Variants in FAM135A observed in about 807,000 individuals in gnomAD.
The protein encoded by FAM135A is protein FAM135A.
A neutral mutation model predicts 146.8 loss-of-function variants in FAM135A; 79 were observed. The ratio of observed to expected loss-of-function variants is 0.54; its 90% confidence interval spans 0.45 to 0.65. The LOEUF (loss-of-function observed/expected upper bound fraction) is 0.65. Among genes scored for constraint, FAM135A ranks in the 30% least tolerant of loss-of-function variants. FAM135A has a pLI of 0.00. For synonymous variants in FAM135A, 562 were observed against 603.6 expected, an observed-to-expected ratio of 0.93 and a Z score of 1.01; for missense variants, 1,623 against 1,758.2, an observed-to-expected ratio of 0.92 and a Z score of 1.38.
chr6:70,535,671 T>C (rs920103911), intron 18 of FAM135A, among the ~76,000 whole-genome samples: 1 of 152,212 alleles, frequency 6.6e-6, no homozygotes, highest in African/African-American at 2.4e-5. Flanking sequence ...GGACCACTGA[T>C]TTAAACCATT....
chr6:70,436,850 A>C (rs1168240098), intron 4 of FAM135A, among the ~76,000 whole-genome samples: 1 of 152,224 alleles, frequency 6.6e-6, no homozygotes, highest in Non-Finnish European at 1.5e-5. Context: ...TTAAAGTATA[A>C]GTAAATAGAG....
chr6:70,465,015 C>A (rs1267063866), intron 5 of FAM135A, among the ~76,000 whole-genome samples: 1 of 151,588 alleles, frequency 6.6e-6, no homozygotes, highest in Non-Finnish European at 1.5e-5. Context: ...AACTGAAATT[C>A]TATACCATTG....
chr6:70,458,875 C>T (rs114213987), intron 5 of FAM135A, among the ~76,000 whole-genome samples: 1 of 152,098 alleles, frequency 6.6e-6, no homozygotes, highest in East Asian at 1.9e-4. Flanking sequence ...ATATCCTTCC[C>T]TCAAAATTTC....
At chr6:70,506,867 A>ATGGAAGTTC (rs1789898202) in intron 12 of FAM135A, among the ~76,000 whole-genome samples, 2 of 151,712 alleles carry the variant, frequency 1.3e-5, no homozygotes, top group South Asian at 4.2e-4. Flanking sequence ...TGTCACCTGA[A>ATGGAAGTTC]TGGAAGTTCT....
chr6:70,426,997 C>G (rs1770315521), intron 3 of FAM135A, among the ~76,000 whole-genome samples: 1 of 152,100 alleles, frequency 6.6e-6, no homozygotes, highest in Non-Finnish European at 1.5e-5. Context: ...CTGTCTATGT[C>G]TCTGCTTGTG....
At chr6:70,467,431 G>C (rs961439375) in intron 5 of FAM135A, among the ~76,000 whole-genome samples, 10 of 151,798 alleles carry the variant, frequency 6.6e-5, no homozygotes, top group African/African-American at 2.2e-4. Context: ...CTGTACCTTG[G>C]GTCTTTGAGT....
chr6:70,475,765 G>T (rs752511769), intron 7 of FAM135A, 32 bp downstream of exon 7: 1 of 1,514,214 alleles, frequency 6.6e-7, no homozygotes, highest in African/African-American at 1.4e-5. Flanking sequence ...AAACCTTTAG[G>T]CACTTATGAC....
Position 70,540,318 on chromosome 6 carries a change from C to CTTTTTTTTT in FAM135A, c.4228+1933_4228+1941dup, listed in dbSNP as rs1190614826. ...TTAGACTCATTTATGATTCCTGCTA[C>CTTTTTTTTT]TTTTTTTTTTTTTTTTTTTTTTTTG... On this transcript the variant is annotated intron_variant, in intron 20 of 21. Coordinates refer to ENST00000418814, the MANE Select transcript of FAM135A (RefSeq NM_001162529.3). 1.5e-4 allele frequency among the ~76,000 whole-genome samples: 12 copies of CTTTTTTTTT among 81,550 alleles called. 1 individual carries two copies. The highest frequency in any genetic ancestry group is 4.8e-4 in the African/African-American group (9 of 18,836). 53.5% of individuals were successfully genotyped at this position (81,550 alleles called of 152,430 possible). A position where few individuals can be genotyped will look rare whatever the true frequency, so the allele number is the denominator to read the frequency against.
chr6:70,415,102 G>C (rs1376783233), intron 1 of FAM135A, among the ~76,000 whole-genome samples, 189 bp from the exon 2 acceptor site: 1 of 152,166 alleles, frequency 6.6e-6, no homozygotes, highest in Admixed American at 6.5e-5. Flanking sequence ...AGACATACGT[G>C]AGAAGTATTA....
intron 13 of FAM135A, 150 bp downstream of exon 13, chr6:70,522,736 T>G: frequency 1.6e-6 from 1 of 636,988 alleles, no homozygotes; most frequent in Non-Finnish European, 2.6e-6. Context: ...ATAATCAAAT[T>G]GTTTCATCTT....
At chr6:70,517,553 A>C (rs1450247310) in intron 12 of FAM135A, among the ~76,000 whole-genome samples, 1 of 150,812 alleles carries the variant, frequency 6.6e-6, no homozygotes, top group Non-Finnish European at 1.5e-5. Context: ...TAATTAGCTG[A>C]GATTACAGGT....
At chr6:70,514,984 T>C (rs1445277757) in intron 12 of FAM135A, among the ~76,000 whole-genome samples, 1 of 152,212 alleles carries the variant, frequency 6.6e-6, no homozygotes, top group African/African-American at 2.4e-5. Context: ...AAGAGAAATA[T>C]CCAACTCTAG....
chr6:70,450,712 A>AGTT lies in FAM135A; in HGVS notation c.78-1776_78-1774dup, dbSNP rs1303360654. On this transcript the variant is annotated intron_variant, in intron 4 of 21. Transcript: ENST00000418814. ...TGAACTCAGGGAGTGTGACCCTTTT[A>AGTT]GTTGTTTTTTTTTTTTTTTTTTTTT... 9.0e-4 allele frequency among the ~76,000 whole-genome samples: 21 copies of AGTT among 23,266 alleles called. No individual in the cohort carries two copies. In the South Asian group the frequency reaches 9.2e-3, roughly 10 times the overall value. The allele number at this position is 23,266 out of a possible 152,430, so 15.3% of individuals were successfully genotyped here.
At chr6:70,508,430 G>T (rs2128282699) in intron 12 of FAM135A, among the ~76,000 whole-genome samples, 1 of 152,246 alleles carries the variant, frequency 6.6e-6, no homozygotes, top group Non-Finnish European at 1.5e-5. Context: ...TGCTTCCAAA[G>T]ATACCTCTTG....
chr6:70,444,240 T>C (rs1775204675), intron 4 of FAM135A, among the ~76,000 whole-genome samples: 1 of 151,954 alleles, frequency 6.6e-6, no homozygotes, highest in Non-Finnish European at 1.5e-5. Context: ...CTGTCTCTGC[T>C]AAAAATACAA....
intron 13 of FAM135A, among the ~76,000 whole-genome samples, chr6:70,523,711 A>T (rs1184423927): frequency 4.6e-5 from 7 of 152,212 alleles, no homozygotes; most frequent in Admixed American, 4.6e-4. Context: ...AACATAAGAA[A>T]GTATGGAAGA....
chr6:70,462,944 A>G (rs552196557), intron 5 of FAM135A, among the ~76,000 whole-genome samples: 17 of 150,396 alleles, frequency 1.1e-4, no homozygotes, highest in Admixed American at 7.4e-4. Context: ...TTTCTCCTCT[A>G]TTAGTTGTCT....
chr6:70,483,877 T>C (rs899928266), intron 10 of FAM135A, among the ~76,000 whole-genome samples: 4 of 152,202 alleles, frequency 2.6e-5, no homozygotes, highest in Admixed American at 2.0e-4. Flanking sequence ...CATTATCTTA[T>C]GTTCAAGAGT....
At chr6:70,425,317 CAA>C (rs1250470492) in intron 2 of FAM135A, among the ~76,000 whole-genome samples, 2 of 152,024 alleles carry the variant, frequency 1.3e-5, no homozygotes, top group East Asian at 3.9e-4. Flanking sequence ...TACTTAGAAT[CAA>C]AACCAGAACA....
Sources: gnomAD v4.1 joint callset for allele counts (sites outside exome capture counted in the v4.1 genomes callset) on GRCh38, gnomAD v4.1.1 for gene constraint, MANE v1.5 for transcripts, NCBI Gene and HGNC (gene_info 2026-07-23, HGNC 2026-07-21) for gene names.